STK24: variants seen among roughly 807,000 people sequenced by gnomAD.
STK24 encodes serine/threonine kinase 24.
In STK24, 21 loss-of-function variants were observed where a neutral mutation model predicts 55.6. That is an observed-to-expected ratio of 0.38 (90% CI 0.27 to 0.54). The LOEUF is 0.54. Among genes scored for constraint, STK24 ranks in the 20% least tolerant of loss-of-function variants. The pLI, the probability that STK24 is intolerant of heterozygous loss-of-function variation, is 0.79. For synonymous variants in STK24, 200 were observed against 215.2 expected (o/e 0.93, Z 0.62); for missense variants, 383 against 538.4 (o/e 0.71, Z 2.86).
At chr13:98,568,458 C>A (rs932714952) in intron 1 of STK24, among the ~76,000 whole-genome samples, 23 of 152,078 alleles carry the variant, frequency 1.5e-4, no homozygotes, top group African/African-American at 5.6e-4. Flanking sequence ...CACAGCCAGG[C>A]TCCCAAAGTC....
chr13:98,570,901 G>C (rs916159062), intron 1 of STK24, among the ~76,000 whole-genome samples: 1 of 152,140 alleles, frequency 6.6e-6, no homozygotes, highest in Non-Finnish European at 1.5e-5. Flanking sequence ...GATTCTACGC[G>C]ATGAGACATG....
chr13:98,488,392 C>T (rs1191614807), intron 2 of STK24, among the ~76,000 whole-genome samples: 4 of 152,212 alleles, frequency 2.6e-5, no homozygotes, highest in Non-Finnish European at 2.9e-5. Context: ...TTCATTCATA[C>T]ACAAAGGATG....
rs945546456 is a variant in STK24, at chr13:98,449,646, G to T, written c.*3527C>A. 1 of 152,600 alleles carries T rather than the reference G, an allele frequency of 6.6e-6. No homozygotes were observed. The highest frequency in any genetic ancestry group is 6.5e-5 in the Admixed American group (1 of 15,280). 9.5% of individuals were successfully genotyped at this position (152,600 alleles called of 1,614,324 possible). ...AACAAACAGCAACTTGCAAACGGAC[G>T]AAGAGCCTGCCGTGTGTTAATCATT... On this transcript the variant is annotated 3_prime_UTR_variant, in exon 11 of 11. Transcript: ENST00000539966.
intron 1 of STK24, among the ~76,000 whole-genome samples, chr13:98,540,307 T>C (rs1302407171): frequency 6.6e-6 from 1 of 152,236 alleles, no homozygotes; most frequent in African/African-American, 2.4e-5. Flanking sequence ...GTAAAATTAC[T>C]AAAACTCACT....
chr13:98,521,339 C>T (rs964353452), intron 1 of STK24, among the ~76,000 whole-genome samples: 3 of 152,268 alleles, frequency 2.0e-5, no homozygotes, highest in South Asian at 2.1e-4. Flanking sequence ...TGTCTTATGA[C>T]GGTCATACTT....
At chr13:98,507,116 C>T (rs905812812) in intron 2 of STK24, among the ~76,000 whole-genome samples, 1 of 152,234 alleles carries the variant, frequency 6.6e-6, no homozygotes, top group African/African-American at 2.4e-5. Context: ...GTGTCTGCTC[C>T]ACCCGATTCT....
intron 1 of STK24, among the ~76,000 whole-genome samples, chr13:98,523,927 T>G (rs1303586363): frequency 6.6e-6 from 1 of 152,104 alleles, no homozygotes; most frequent in Non-Finnish European, 1.5e-5. Flanking sequence ...CCATCTGTTG[T>G]GAGATGCCTC....
chr13:98,526,783 C>T (rs890333327), intron 1 of STK24, among the ~76,000 whole-genome samples: 4 of 152,128 alleles, frequency 2.6e-5, no homozygotes, highest in African/African-American at 7.2e-5. Flanking sequence ...ACTTGGGAAA[C>T]GTGATTGGAA....
chr13:98,525,191 G>A (rs781035793), intron 1 of STK24, among the ~76,000 whole-genome samples: 33 of 152,230 alleles, frequency 2.2e-4, no homozygotes, highest in Non-Finnish European at 3.1e-4. Flanking sequence ...TGCTCACCGA[G>A]GAAAGTAGAT....
intron 2 of STK24, among the ~76,000 whole-genome samples, chr13:98,517,273 A>G (rs1392432582): frequency 6.6e-6 from 1 of 152,260 alleles, no homozygotes; most frequent in East Asian, 1.9e-4. Flanking sequence ...AGGGAATAGT[A>G]CGCAGTACAG....
At chr13:98,546,740 G>A (rs1403496212) in intron 1 of STK24, among the ~76,000 whole-genome samples, 2 of 152,142 alleles carry the variant, frequency 1.3e-5, no homozygotes, top group Non-Finnish European at 2.9e-5. Context: ...CAAGAACCAA[G>A]CAACAGGCTC....
chr13:98,466,228 G>A, intron 6 of STK24, 148 bp downstream of exon 6: 1 of 663,552 alleles, frequency 1.5e-6, no homozygotes, highest in Non-Finnish European at 2.3e-6. Flanking sequence ...GCAAACCAAA[G>A]AAGTCAATCA....
intron 9 of STK24, 132 bp downstream of exon 9, chr13:98,460,240 T>G: frequency 1.2e-6 from 1 of 841,680 alleles, no homozygotes. Context: ...GAAGGCACCA[T>G]GCAGGCTTTC....
At chr13:98,555,538 C>A (rs1256448596) in intron 1 of STK24, among the ~76,000 whole-genome samples, 10 of 151,298 alleles carry the variant, frequency 6.6e-5, no homozygotes, top group Admixed American at 3.9e-4. Context: ...GAGATCGCAC[C>A]ACTGCACTCC....
At chr13:98,458,979 T>C (rs963766626) in intron 9 of STK24, among the ~76,000 whole-genome samples, 6 of 152,164 alleles carry the variant, frequency 3.9e-5, no homozygotes, top group Non-Finnish European at 8.8e-5. Context: ...AGTTTAGCAA[T>C]TGGTTACCTG....
intron 1 of STK24, chr13:98,576,353 G>T: frequency 2.4e-6 from 1 of 425,344 alleles, no homozygotes; most frequent in Non-Finnish European, 3.2e-6. Flanking sequence ...CGCCAACCCG[G>T]CCACCACGCA....
chr13:98,536,852 G>A (rs948347657), intron 1 of STK24, among the ~76,000 whole-genome samples: 15 of 135,028 alleles, frequency 1.1e-4, no homozygotes, highest in Admixed American at 6.3e-4. Flanking sequence ...CCAGCTGTCC[G>A]GCTGCCACAC....
At chr13:98,531,918 A>T (rs1414959509) in intron 1 of STK24, among the ~76,000 whole-genome samples, 3 of 152,202 alleles carry the variant, frequency 2.0e-5, no homozygotes, top group Non-Finnish European at 4.4e-5. Context: ...TCCTGAGGTC[A>T]GCACCCTCCC....
At chr13:98,569,874 G>A (rs1421130638) in intron 1 of STK24, among the ~76,000 whole-genome samples, 1 of 148,070 alleles carries the variant, frequency 6.8e-6, no homozygotes, top group African/African-American at 2.5e-5. Context: ...AACACAGGCA[G>A]AAATTTTTTT....
Sources: allele counts gnomAD v4.1 joint callset (sites outside exome capture counted in the v4.1 genomes callset), GRCh38; gene constraint gnomAD v4.1.1; transcripts MANE v1.5; gene names NCBI Gene and HGNC (gene_info 2026-07-23, HGNC 2026-07-21).